EHBP1: variants seen among roughly 807,000 people sequenced by gnomAD.
EHBP1 encodes the protein EH domain-binding protein 1.
EHBP1 carries 55 observed loss-of-function variants against 144.0 expected under a neutral mutation model. The ratio of observed to expected loss-of-function variants is 0.38; its 90% confidence interval spans 0.31 to 0.48. EHBP1 has a LOEUF of 0.48. Ranked by LOEUF, EHBP1 falls within the 20% of genes least tolerant of loss-of-function variation. The probability of loss-of-function intolerance (pLI) is 0.98; values close to 1 mark genes in which losing one functional copy is unlikely to be tolerated. For missense variants in EHBP1, 1,200 were observed against 1,364.2 expected (o/e 0.88, Z 1.90); for synonymous variants, 469 against 472.7 (o/e 0.99, Z 0.10).
Position 62,948,546 on chromosome 2 carries a change from G to A in EHBP1, c.1700G>A (p.Ser567Asn), listed in dbSNP as rs1423520037. Residue 567 changes from serine to asparagine, a missense_variant, in exon 13 of 23, where the codon AGC (serine) becomes AAC (asparagine). Ser to Asn is a conservative substitution (Grantham distance 46). Transcript: ENST00000431489. ...GAGCCTGAACTACAACAGCCTATCA[G>A]CGGAGCAGTAGACTTCTTATCACAG... ...KREPELQQPI[S>N]GAVDFLSQDD... is the part of the protein sequence containing the mutation. 9 of 1,613,992 alleles carry A rather than the reference G, an allele frequency of 5.6e-6. No homozygotes were observed. The highest frequency in any genetic ancestry group is 7.6e-6 in the Non-Finnish European group (9 of 1,179,998).
In EHBP1 at chr2:62,721,948, T is replaced by C. The variant is rs1558548134; in HGVS notation, c.104+14653T>C. Among the ~76,000 whole-genome samples, 6 of 152,234 alleles carry C rather than the reference T, an allele frequency of 3.9e-5. No homozygotes were observed. In the South Asian group the frequency reaches 1.2e-3, roughly 32 times the overall value. On this transcript the variant is annotated intron_variant, in intron 2 of 22. Coordinates refer to ENST00000431489, the MANE Select transcript of EHBP1 (RefSeq NM_001142616.3). ...ACTTATAGAAAAGTTGCAAACACAATACAAATAATTCACATATACATTTCC... is the reference window on the plus strand; with the variant it reads ...ACTTATAGAAAAGTTGCAAACACAACACAAATAATTCACATATACATTTCC...
At chr2:62,848,176 T>C (rs1236213073) in intron 7 of EHBP1, among the ~76,000 whole-genome samples, 1 of 151,864 alleles carries the variant, frequency 6.6e-6, no homozygotes, top group East Asian at 1.9e-4. Context: ...CCTCCCAGGT[T>C]CAAGCGGTTC....
At position 63,045,129 on chromosome 2, in the gene EHBP1, T is replaced by A; in HGVS notation, c.3341T>A (p.Leu1114Gln). ...EQLLLDELVA[L>Q]VNKRDALVRD... ...CTTCTGCTAGATGAGCTGGTGGCCC[T>A]GGTGAACAAGCGCGATGCGCTCGTC... is the stretch of plus-strand genomic sequence containing the variant. The change falls in exon 22 of 23, where the codon CTG (leucine) becomes CAG (glutamine). Residue 1114 changes from leucine to glutamine, a missense_variant. By Grantham distance (113) the Leu-to-Gln change is moderately radical. Around this residue, in one of 6 missense-constraint regions of EHBP1, gnomAD observed 149 missense variants for 217.0 expected, o/e 0.69. Coordinates refer to ENST00000431489, the MANE Select transcript of EHBP1 (RefSeq NM_001142616.3). This position sits in a 1 kb window ranked among gnomAD's most constrained non-coding sequence, Gnocchi z 5.7. 1 of 1,598,080 alleles carries A rather than the reference T, an allele frequency of 6.3e-7. No individual in the cohort carries two copies. Among genetic ancestry groups the A allele is most frequent in the South Asian group, 1.1e-5 (1 of 88,350 alleles).
intron 2 of EHBP1, among the ~76,000 whole-genome samples, chr2:62,731,817 TTTGCTATG>T (rs2037628681): frequency 6.6e-6 from 1 of 152,188 alleles, no homozygotes; most frequent in South Asian, 2.1e-4. Flanking sequence ...TTGGATTTGA[TTTGCTATG>T]TTGATCTGAC....
At chr2:62,957,821 T>C (rs2057787950) in intron 14 of EHBP1, among the ~76,000 whole-genome samples, 1 of 151,994 alleles carries the variant, frequency 6.6e-6, no homozygotes, top group Non-Finnish European at 1.5e-5. Flanking sequence ...AATGTTTTTG[T>C]ATTTTTAGTA....
At chr2:62,752,253 T>G (rs1466093376) in intron 3 of EHBP1, among the ~76,000 whole-genome samples, 1 of 152,218 alleles carries the variant, frequency 6.6e-6, no homozygotes, top group Non-Finnish European at 1.5e-5. Flanking sequence ...CAGTAGCCAT[T>G]CAGGAGCAGG....
Position 62,859,258 on chromosome 2 carries a change from G to C in EHBP1, c.724G>C (p.Glu242Gln), listed in dbSNP as rs138672826. ...SNPFDDPDAA[E>Q]LNPFGDPDSE... ...TCCATTTGATGATCCTGATGCTGCA[G>C]AATTAAATCCATTTGGAGATCCTGA... The change falls in exon 8 of 23, where the codon GAA becomes CAA. Residue 242 changes from glutamate (E) to glutamine (Q), a missense_variant. Coordinates refer to ENST00000431489, the MANE Select transcript of EHBP1 (RefSeq NM_001142616.3). The C allele has an allele frequency of 4.3e-6, 7 of 1,609,604 alleles. No individual in the cohort carries two copies. The African/African-American group carries it at 9.3e-5, about 21-fold the overall frequency.
At chr2:62,767,661 C>A (rs916382550) in intron 4 of EHBP1, among the ~76,000 whole-genome samples, 1 of 151,606 alleles carries the variant, frequency 6.6e-6, no homozygotes. Flanking sequence ...ATGGCAAAAC[C>A]CTGTCTCTTT....
intron 10 of EHBP1, among the ~76,000 whole-genome samples, chr2:62,921,272 C>G (rs748627963): frequency 6.6e-6 from 1 of 151,864 alleles, no homozygotes; most frequent in Non-Finnish European, 1.5e-5. Flanking sequence ...ATAGCGAAAC[C>G]CCATCTTTAC....
In EHBP1 at chr2:63,046,421, G is replaced by A. The variant is rs2061957005; in HGVS notation, c.*921G>A. On this transcript the variant is annotated 3_prime_UTR_variant, in exon 23 of 23. Coordinates refer to ENST00000431489, the MANE Select transcript of EHBP1 (RefSeq NM_001142616.3). ...TGTCATTTTTTGTGAAAATGGTTAT[G>A]TTTATTTATTACAATACTGAGTCAT... is the stretch of plus-strand genomic sequence containing the variant. 6.6e-6 allele frequency: 1 copy of A among 152,554 alleles called. No homozygotes were observed. Among genetic ancestry groups the A allele is most frequent in the Non-Finnish European group, 1.5e-5 (1 of 68,000 alleles). The allele number at this position is 152,554 out of a possible 1,614,324, so 9.5% of individuals were successfully genotyped here.
chr2:62,730,837 G>GA (rs2037481249), intron 2 of EHBP1, among the ~76,000 whole-genome samples: 1 of 7,326 alleles, frequency 1.4e-4, no homozygotes. Flanking sequence ...GAGAAACAGA[G>GA]AGACGGAGAG....
chr2:63,034,695 C>A (rs2061388783), intron 19 of EHBP1, among the ~76,000 whole-genome samples: 1 of 151,944 alleles, frequency 6.6e-6, no homozygotes, highest in African/African-American at 2.4e-5. Context: ...TTTGTACTTA[C>A]CGTATTCTCC....
At chr2:62,733,022 C>T (rs769219653) in intron 2 of EHBP1, among the ~76,000 whole-genome samples, 149 of 152,176 alleles carry the variant, frequency 9.8e-4, no homozygotes, top group Admixed American at 2.0e-3. Flanking sequence ...CTTCCAGTAA[C>T]ACCCTTAGCA....
chr2:62,772,697 A>G (rs1216142194), intron 5 of EHBP1, among the ~76,000 whole-genome samples: 2 of 152,230 alleles, frequency 1.3e-5, no homozygotes, highest in South Asian at 2.1e-4. Context: ...TTTTCAGTGA[A>G]TATTAGCTTT....
At chr2:62,933,410 T>C (rs2056156019) in intron 10 of EHBP1, among the ~76,000 whole-genome samples, 1 of 152,226 alleles carries the variant, frequency 6.6e-6, no homozygotes, top group Non-Finnish European at 1.5e-5. Flanking sequence ...GATTATAATT[T>C]TTGATACTAC....
intron 10 of EHBP1, among the ~76,000 whole-genome samples, chr2:62,936,680 T>TA (rs567829996): frequency 1.5e-4 from 22 of 150,182 alleles, no homozygotes; most frequent in Admixed American, 9.3e-4. Context: ...TGTAGAAGAT[T>TA]AAAAAAAAAA....
At chr2:62,697,791 T>G (rs531193578) in intron 1 of EHBP1, among the ~76,000 whole-genome samples, 33 of 152,346 alleles carry the variant, frequency 2.2e-4, no homozygotes, top group Admixed American at 3.9e-4. Flanking sequence ...CCTGTTGCCT[T>G]AGAACTTGCA....
intron 19 of EHBP1, among the ~76,000 whole-genome samples, chr2:63,006,570 TA>T (rs1559056810): frequency 6.6e-6 from 1 of 151,972 alleles, no homozygotes; most frequent in African/African-American, 2.4e-5. Context: ...AAACGTGATA[TA>T]TTTTTTATTC....
intron 2 of EHBP1, among the ~76,000 whole-genome samples, chr2:62,740,052 A>G (rs1573055709): frequency 6.6e-6 from 1 of 152,250 alleles, no homozygotes; most frequent in Admixed American, 6.5e-5. Context: ...TAATATGCCA[A>G]ACTTCAAACT....
Sources: allele counts gnomAD v4.1 joint callset (sites outside exome capture counted in the v4.1 genomes callset), GRCh38; gene constraint gnomAD v4.1.1; regional missense constraint gnomAD v4.1.1; non-coding constraint Gnocchi (gnomAD v3.1); transcripts MANE v1.5; gene names NCBI Gene and HGNC (gene_info 2026-07-23, HGNC 2026-07-21).